The following STARD13 variants were observed in gnomAD, a reference collection of about 807,000 sequenced individuals.
The protein encoded by STARD13 is stAR-related lipid transfer protein 13.
Under a neutral mutation model 106.4 loss-of-function variants are expected in STARD13, and 62 were observed. The ratio of observed to expected loss-of-function variants is 0.58; its 90% CI spans 0.48 to 0.72. The LOEUF (loss-of-function observed/expected upper bound fraction) is 0.72. Among genes scored for constraint, STARD13 ranks in the 30% least tolerant of loss-of-function variants. The pLI is 0.00. For synonymous variants in STARD13, 565 were observed against 553.0 expected, an observed-to-expected ratio of 1.02 and a Z score of -0.31; for missense variants, 1,387 against 1,424.0, an observed-to-expected ratio of 0.97 and a Z score of 0.42.
chr13:33,308,719 T>C (rs1893021398), intron 1 of STARD13, among the ~76,000 whole-genome samples: 2 of 152,216 alleles, frequency 1.3e-5, no homozygotes, highest in Middle Eastern at 3.4e-3. Flanking sequence ...AGACAACGTT[T>C]CACCATGTTG....
At chr13:33,465,598 T>A in the STARD13 span, among the ~76,000 whole-genome samples, 4 of 152,198 alleles carry the variant, frequency 2.6e-5, no homozygotes, top group Non-Finnish European at 5.9e-5. Flanking sequence ...TAGGTTCCCA[T>A]GGCATTCAGG....
At chr13:33,115,491 C>T (rs988454741) in intron 8 of STARD13, among the ~76,000 whole-genome samples, 1 of 152,220 alleles carries the variant, frequency 6.6e-6, no homozygotes, top group African/African-American at 2.4e-5. Context: ...CTCCCTGTAG[C>T]AGATACAAGG....
the STARD13 span, among the ~76,000 whole-genome samples, chr13:33,401,118 G>A: frequency 2.0e-5 from 3 of 152,262 alleles, no homozygotes; most frequent in South Asian, 2.1e-4. Context: ...ACAGAATTTC[G>A]TTCTTTGTCT....
chr13:33,334,496 G>T (rs377546923), intron 1 of STARD13, among the ~76,000 whole-genome samples: 1 of 152,132 alleles, frequency 6.6e-6, no homozygotes, highest in Non-Finnish European at 1.5e-5. Flanking sequence ...GATGACATAC[G>T]GAAAAACCCT....
chr13:33,427,257 A>T, the STARD13 span, among the ~76,000 whole-genome samples: 1,211 of 152,268 alleles, frequency 8.0e-3, 4 homozygotes, highest in Middle Eastern at 0.017. Context: ...AGGGACCTAG[A>T]CTCAAACTCA....
the STARD13 span, among the ~76,000 whole-genome samples, chr13:33,544,770 CTTT>C: frequency 0.01 from 1,088 of 108,680 alleles, 4 homozygotes; most frequent in African/African-American, 0.038. Flanking sequence ...TGTTTTTTCT[CTTT>C]TTTTTTTTTT....
intron 1 of STARD13, among the ~76,000 whole-genome samples, chr13:33,182,682 T>C (rs1427682283): frequency 6.6e-6 from 1 of 152,232 alleles, no homozygotes; most frequent in Non-Finnish European, 1.5e-5. Flanking sequence ...CTGGGCTGCA[T>C]GCGGCCTGGG....
At chr13:33,231,834 A>T (rs1371868101) in intron 1 of STARD13, among the ~76,000 whole-genome samples, 1 of 152,168 alleles carries the variant, frequency 6.6e-6, no homozygotes, top group African/African-American at 2.4e-5. Flanking sequence ...GTGTCATTTT[A>T]GTATATAGGG....
At chr13:33,360,691 G>C in the STARD13 span, among the ~76,000 whole-genome samples, 5 of 133,148 alleles carry the variant, frequency 3.8e-5, no homozygotes, top group African/African-American at 5.5e-5. Context: ...ATCCTTCTGT[G>C]TAGACAGAAG....
the STARD13 span, among the ~76,000 whole-genome samples, chr13:33,419,199 A>T: frequency 6.6e-6 from 1 of 152,204 alleles, no homozygotes; most frequent in Non-Finnish European, 1.5e-5. Flanking sequence ...AACCCATCAC[A>T]AGGAAGCTAA....
the STARD13 span, among the ~76,000 whole-genome samples, chr13:33,528,169 TTA>T: frequency 0.012 from 1,541 of 128,866 alleles, 19 homozygotes; most frequent in African/African-American, 0.032. Context: ...TAAGCTAATA[TTA>T]TATATATATA....
At position 33,126,204 on chromosome 13, in the gene STARD13, G is replaced by A. The variant is rs751281044; in HGVS notation, c.1959C>T (p.Pro653=). ...CAAAGACAGCCTTGTCTTTGTAGTC[G>A]GGAACTTTCATCCTCTTCATGAACT... ...VPKFMKRMKV[P]DYKDKAVFGV... The change falls in exon 7 of 14, where the codon CCC becomes CCT. Residue 653 remains proline, a synonymous_variant. Coordinates refer to ENST00000336934, the MANE Select transcript of STARD13 (RefSeq NM_178006.4). 1.1e-5 allele frequency: 17 copies of A among 1,614,008 alleles called. No individual in the cohort carries two copies. The highest frequency in any genetic ancestry group is 1.6e-4 in the Middle Eastern group (1 of 6,078).
In STARD13 at chr13:33,195,762, A is replaced by G. The variant is rs926966559; in HGVS notation, c.170-28140T>C. ...GTAAGAAGGAAGGAAGATGGGAAAGATCATATGTTTCAAATCTGTCTCTCT... is the reference window on the plus strand; with the variant it reads ...GTAAGAAGGAAGGAAGATGGGAAAGGTCATATGTTTCAAATCTGTCTCTCT... On this transcript the variant is annotated intron_variant, in intron 1 of 13. Coordinates refer to ENST00000336934, the MANE Select transcript of STARD13 (RefSeq NM_178006.4). 3.3e-5 allele frequency among the ~76,000 whole-genome samples: 5 copies of G among 152,218 alleles called. 1 individual carries two copies. In the East Asian group the frequency reaches 5.8e-4, roughly 18 times the overall value.
the STARD13 span, among the ~76,000 whole-genome samples, chr13:33,510,298 G>A: frequency 6.6e-6 from 1 of 152,154 alleles, no homozygotes; most frequent in Non-Finnish European, 1.5e-5. Context: ...TGAAGGTAGG[G>A]AATTTTTTCT....
chr13:33,349,940 T>A (rs758442254), intron 1 of STARD13, among the ~76,000 whole-genome samples: 2 of 152,214 alleles, frequency 1.3e-5, no homozygotes, highest in African/African-American at 4.8e-5. Flanking sequence ...TGGGCACTTA[T>A]TCACTGGGGT....
the STARD13 span, among the ~76,000 whole-genome samples, chr13:33,370,887 C>T: frequency 6.6e-6 from 1 of 152,070 alleles, no homozygotes. Flanking sequence ...TCCCAAAGTG[C>T]TGAGATTACA....
chr13:33,382,041 T>G, the STARD13 span, among the ~76,000 whole-genome samples: 1 of 152,186 alleles, frequency 6.6e-6, no homozygotes, highest in Non-Finnish European at 1.5e-5. Flanking sequence ...GAAGATCTTC[T>G]TGGCTCCTAG....
the STARD13 span, among the ~76,000 whole-genome samples, chr13:33,376,765 G>A: frequency 6.6e-6 from 1 of 152,228 alleles, no homozygotes; most frequent in Non-Finnish European, 1.5e-5. Flanking sequence ...CTTGGGCAGT[G>A]CCTAGGCTTA....
chr13:33,393,477 C>A, the STARD13 span, among the ~76,000 whole-genome samples: 10 of 152,296 alleles, frequency 6.6e-5, no homozygotes, highest in African/African-American at 2.2e-4. Context: ...TTCTTAAAGT[C>A]TGACAATCTC....
Sources: allele counts gnomAD v4.1 joint callset (sites outside exome capture counted in the v4.1 genomes callset), GRCh38; gene constraint gnomAD v4.1.1; transcripts MANE v1.5; gene names NCBI Gene and HGNC (gene_info 2026-07-23, HGNC 2026-07-21).